ATP9B: variants seen among roughly 807,000 people sequenced by gnomAD.
ATP9B encodes ATPase phospholipid transporting 9B.
ATP9B carries 110 observed loss-of-function variants against 146.1 expected under a neutral mutation model. The observed-to-expected ratio is 0.75, with a 90% CI of 0.65 to 0.88. The LOEUF (loss-of-function observed/expected upper bound fraction) is 0.88. Ranked by LOEUF, ATP9B falls within the 40% of genes least tolerant of loss-of-function variation. The pLI is 0.00. For missense variants in ATP9B, 1,499 were observed against 1,496.4 expected, an observed-to-expected ratio of 1.00 and a Z score of -0.03; for synonymous variants, 604 against 569.7, an observed-to-expected ratio of 1.06 and a Z score of -0.86.
chr18:79,376,327 T>C (rs2097103221), intron 29 of ATP9B: 1 of 985,260 alleles, frequency 1.0e-6, no homozygotes, highest in South Asian at 4.7e-5. Flanking sequence ...CCTTCACAAA[T>C]TCTGCCACAG....
At chr18:79,346,961 C>T (rs1203823056) in intron 23 of ATP9B, among the ~76,000 whole-genome samples, 1 of 152,230 alleles carries the variant, frequency 6.6e-6, no homozygotes, top group East Asian at 1.9e-4. Context: ...TGCATTACAG[C>T]CTAGCCCTCG....
intron 7 of ATP9B, among the ~76,000 whole-genome samples, chr18:79,159,889 AACTTC>A (rs942958287): frequency 2.4e-4 from 36 of 152,330 alleles, no homozygotes; most frequent in African/African-American, 8.4e-4. Context: ...GGGAAACTGT[AACTTC>A]ATTCATGGCT....
chr18:79,180,979 T>TG (rs1412306468), intron 8 of ATP9B, among the ~76,000 whole-genome samples: 4 of 151,606 alleles, frequency 2.6e-5, no homozygotes, highest in East Asian at 3.9e-4. Context: ...TTTTTTGTTT[T>TG]TTTTTTTTTT....
chr18:79,323,115 T>C (rs1225074763), intron 15 of ATP9B, among the ~76,000 whole-genome samples: 1 of 152,004 alleles, frequency 6.6e-6, no homozygotes, highest in Non-Finnish European at 1.5e-5. Flanking sequence ...CCTCCGTTTA[T>C]CGTTGCTTCG....
intron 5 of ATP9B, among the ~76,000 whole-genome samples, chr18:79,135,458 C>G (rs1211803988): frequency 1.3e-5 from 2 of 152,146 alleles, no homozygotes; most frequent in African/African-American, 4.8e-5. Context: ...TTTCTGAGGG[C>G]CCACATCCTA....
intron 6 of ATP9B, among the ~76,000 whole-genome samples, chr18:79,153,548 T>C (rs1411782559): frequency 1.3e-5 from 2 of 152,152 alleles, no homozygotes; most frequent in African/African-American, 4.8e-5. Flanking sequence ...TTTAGTCTAA[T>C]AGGGAGGACA....
intron 26 of ATP9B, 42 bp downstream of exon 26, chr18:79,359,504 C>T: frequency 6.9e-7 from 1 of 1,441,718 alleles, no homozygotes; most frequent in Admixed American, 1.7e-5. Context: ...GACTAGCACC[C>T]ACATCTAGCA....
intron 11 of ATP9B, among the ~76,000 whole-genome samples, chr18:79,215,968 G>T (rs1352490357): frequency 6.6e-6 from 1 of 152,186 alleles, no homozygotes; most frequent in Non-Finnish European, 1.5e-5. Context: ...AGGATTACAG[G>T]CGTGAGCCAC....
At chr18:79,201,653 C>G (rs1006347537) in intron 9 of ATP9B, among the ~76,000 whole-genome samples, 1 of 152,078 alleles carries the variant, frequency 6.6e-6, no homozygotes. Flanking sequence ...TCACTGTAGC[C>G]TGTGCCTCCT....
At chr18:79,081,737 C>G (rs1039414324) in intron 1 of ATP9B, among the ~76,000 whole-genome samples, 3 of 151,624 alleles carry the variant, frequency 2.0e-5, no homozygotes, top group Non-Finnish European at 2.9e-5. Context: ...TATTGGACCT[C>G]ACTCTCTTCT....
intron 11 of ATP9B, among the ~76,000 whole-genome samples, chr18:79,226,127 C>T (rs930922143): frequency 2.0e-5 from 3 of 152,340 alleles, no homozygotes; most frequent in Non-Finnish European, 2.9e-5. Flanking sequence ...CGACAGTGGC[C>T]GCTCTGCCGC....
In ATP9B at chr18:79,193,720, A is replaced by G. The variant is rs375660569; in HGVS notation, c.954+457A>G. On this transcript the variant is annotated intron_variant, in intron 9 of 29. Transcript: ENST00000426216. Reference sequence around the variant, plus strand: ...TATTACAGAGTTTTGTTAAAGCTGGAAGCACCTTGCCCCTGACTAACAGGG... The same window carrying G: ...TATTACAGAGTTTTGTTAAAGCTGGGAGCACCTTGCCCCTGACTAACAGGG... Among the ~76,000 whole-genome samples the G allele has an allele frequency of 2.0e-4, 30 of 152,344 alleles. No homozygotes were observed. In the East Asian group the frequency reaches 5.2e-3, roughly 26 times the overall value.
chr18:79,143,409 C>T (rs1322738202), intron 5 of ATP9B, among the ~76,000 whole-genome samples: 1 of 152,084 alleles, frequency 6.6e-6, no homozygotes, highest in Non-Finnish European at 1.5e-5. Flanking sequence ...CAGTTATGTG[C>T]TAATTAATGC....
At chr18:79,312,036 C>T (rs1176811342) in intron 15 of ATP9B, among the ~76,000 whole-genome samples, 2 of 152,330 alleles carry the variant, frequency 1.3e-5, no homozygotes, top group African/African-American at 4.8e-5. Flanking sequence ...TGAGTAACTC[C>T]GTGTGCCTGC....
Position 79,314,622 on chromosome 18 carries a change from T to C in ATP9B, c.1773+7388T>C, listed in dbSNP as rs1321113184. On this transcript the variant is annotated intron_variant, in intron 15 of 29. Coordinates refer to ENST00000426216, the MANE Select transcript of ATP9B (RefSeq NM_198531.5). ...GTATTCATAATGTGGAACCTACTTA[T>C]GCCCCGGTCATTGTTTCTTATGATA... 2.6e-5 allele frequency among the ~76,000 whole-genome samples: 4 copies of C among 152,268 alleles called. No homozygotes were observed. The East Asian group carries it at 7.7e-4, about 29-fold the overall frequency.
chr18:79,154,129 ATTTT>A, intron 6 of ATP9B, among the ~76,000 whole-genome samples: 1 of 144,134 alleles, frequency 6.9e-6, no homozygotes, highest in East Asian at 2.0e-4. Context: ...AATTTTTTGC[ATTTT>A]TTTTTTTTTA....
At chr18:79,223,191 C>G (rs1236747020) in intron 11 of ATP9B, among the ~76,000 whole-genome samples, 1 of 152,114 alleles carries the variant, frequency 6.6e-6, no homozygotes, top group Admixed American at 6.5e-5. Flanking sequence ...GATCATGGAA[C>G]AAAATAGAGT....
At chr18:79,083,711 G>C (rs2073507322) in intron 1 of ATP9B, among the ~76,000 whole-genome samples, 1 of 152,128 alleles carries the variant, frequency 6.6e-6, no homozygotes, top group South Asian at 2.1e-4. Context: ...ACCCCACTTT[G>C]CTTCAGCTTG....
At chr18:79,236,732 C>G (rs2095844639) in intron 11 of ATP9B, among the ~76,000 whole-genome samples, 1 of 151,998 alleles carries the variant, frequency 6.6e-6, no homozygotes, top group Admixed American at 6.5e-5. Flanking sequence ...GTGTCCACAC[C>G]TGCCCCTTCC....
Sources: gnomAD v4.1 joint callset for allele counts (sites outside exome capture counted in the v4.1 genomes callset) on GRCh38, gnomAD v4.1.1 for gene constraint, MANE v1.5 for transcripts, NCBI Gene and HGNC (gene_info 2026-07-23, HGNC 2026-07-21) for gene names.